Variants in RUNX1 observed in about 807,000 individuals in gnomAD.
RUNX1 encodes runt-related transcription factor 1.
RUNX1 carries 19 observed loss-of-function variants against 42.8 expected under a neutral mutation model. That is an observed-to-expected ratio of 0.44 (90% confidence interval 0.31 to 0.65). RUNX1 has a LOEUF of 0.65. Ranked by LOEUF, RUNX1 falls within the 30% of genes least tolerant of loss-of-function variation. RUNX1 has a pLI of 0.07. For synonymous variants in RUNX1, 271 were observed against 289.4 expected (o/e 0.94, Z 0.64); for missense variants, 528 against 672.0 (o/e 0.79, Z 2.37).
chr21:34,921,760 T>C (rs1377539785), intron 2 of RUNX1, among the ~76,000 whole-genome samples: 1 of 152,116 alleles, frequency 6.6e-6, no homozygotes, highest in Non-Finnish European at 1.5e-5. Flanking sequence ...GCCTCCCTAG[T>C]GGCTGGAATT....
chr21:34,967,234 C>T (rs961498341), intron 2 of RUNX1, among the ~76,000 whole-genome samples: 21 of 130,718 alleles, frequency 1.6e-4, no homozygotes, highest in Admixed American at 6.3e-4. Flanking sequence ...GGAGGAGAAT[C>T]GCTTGAAACT....
intron 2 of RUNX1, among the ~76,000 whole-genome samples, chr21:35,011,121 A>G (rs932427803): frequency 1.3e-5 from 2 of 152,200 alleles, no homozygotes; most frequent in Non-Finnish European, 2.9e-5. Flanking sequence ...TTTGCCATTA[A>G]AAGTGATGTG....
chr21:34,841,514 C>T (rs887042700), intron 6 of RUNX1, among the ~76,000 whole-genome samples: 3 of 152,240 alleles, frequency 2.0e-5, no homozygotes, highest in Non-Finnish European at 4.4e-5. Flanking sequence ...ACATGAAGTA[C>T]AGGTCATGTC....
chr21:34,841,682 A>T (rs1480337101), intron 6 of RUNX1, among the ~76,000 whole-genome samples: 6 of 152,012 alleles, frequency 3.9e-5, no homozygotes, highest in Non-Finnish European at 8.8e-5. Context: ...CTTTGCACTT[A>T]CTGTTTCCTC....
At chr21:34,828,468 CT>C (rs2146038789) in intron 7 of RUNX1, among the ~76,000 whole-genome samples, 1 of 152,288 alleles carries the variant, frequency 6.6e-6, no homozygotes, top group Non-Finnish European at 1.5e-5. Flanking sequence ...GGACTTTCGA[CT>C]TTTGAGTTAA....
chr21:34,977,621 G>C (rs1474629287), intron 2 of RUNX1, among the ~76,000 whole-genome samples: 1 of 152,208 alleles, frequency 6.6e-6, no homozygotes, highest in African/African-American at 2.4e-5. Context: ...ATATACACAT[G>C]GAAGTGGGGA....
At chr21:34,806,209 C>G (rs1433637668) in intron 7 of RUNX1, among the ~76,000 whole-genome samples, 1 of 152,086 alleles carries the variant, frequency 6.6e-6, no homozygotes, top group Non-Finnish European at 1.5e-5. Flanking sequence ...GGATTAAAGA[C>G]AAGACCCAAC....
intron 7 of RUNX1, among the ~76,000 whole-genome samples, chr21:34,819,884 C>G (rs1242970163): frequency 6.6e-6 from 1 of 152,244 alleles, no homozygotes; most frequent in Non-Finnish European, 1.5e-5. Flanking sequence ...CCAGCCCAAG[C>G]CACAGCCCCC....
intron 6 of RUNX1, among the ~76,000 whole-genome samples, chr21:34,845,343 C>G (rs2057300208): frequency 6.6e-6 from 1 of 152,160 alleles, no homozygotes; most frequent in Admixed American, 6.5e-5. Context: ...GGATGGAGGG[C>G]AAGGATGGAC....
intron 2 of RUNX1, among the ~76,000 whole-genome samples, chr21:34,930,175 AATAC>A (rs1275492851): frequency 3.7e-5 from 5 of 136,860 alleles, no homozygotes; most frequent in South Asian, 2.2e-4. Context: ...AATTTCAAAA[AATAC>A]ATACATATAC....
At chr21:34,958,583 C>A (rs1175407921) in intron 2 of RUNX1, among the ~76,000 whole-genome samples, 1 of 152,176 alleles carries the variant, frequency 6.6e-6, no homozygotes, top group Non-Finnish European at 1.5e-5. Context: ...GAAATAGGAA[C>A]ACTTTTACAC....
At chr21:35,032,616 C>T (rs2059280870) in intron 2 of RUNX1, among the ~76,000 whole-genome samples, 1 of 152,186 alleles carries the variant, frequency 6.6e-6, no homozygotes, top group South Asian at 2.1e-4. Context: ...AGTAAGATGT[C>T]CCTTGACTGT....
chr21:34,914,685 C>T (rs112780985), intron 2 of RUNX1, among the ~76,000 whole-genome samples: 2,186 of 152,302 alleles, frequency 0.014, 42 homozygotes, highest in African/African-American at 0.046. Flanking sequence ...TGGTCAGTGT[C>T]TTCATGTGGC....
At chr21:34,841,394 A>G (rs1308586583) in intron 6 of RUNX1, among the ~76,000 whole-genome samples, 1 of 151,974 alleles carries the variant, frequency 6.6e-6, no homozygotes, top group Admixed American at 6.5e-5. Context: ...GAGCTTTTGT[A>G]CTCTTGTGGG....
Position 34,788,750 on chromosome 21 carries a change from A to G in RUNX1, c.*3385T>C, listed in dbSNP as rs770125534. On this transcript the variant is annotated 3_prime_UTR_variant, in exon 9 of 9. Transcript: ENST00000675419. ...CAAACACACAAAAATCCCAAAACAAATGTATACGCTACGGTAAACAAAAAG... is the reference window on the plus strand; with the variant it reads ...CAAACACACAAAAATCCCAAAACAAGTGTATACGCTACGGTAAACAAAAAG... 1 of 233,574 alleles carries G rather than the reference A, an allele frequency of 4.3e-6. No homozygotes were observed. The highest frequency in any genetic ancestry group is 8.5e-6 in the Non-Finnish European group (1 of 117,990). 14.5% of individuals were successfully genotyped at this position (233,574 alleles called of 1,614,324 possible).
At chr21:34,878,358 A>ATAT (rs1313894804) in intron 5 of RUNX1, among the ~76,000 whole-genome samples, 127 of 145,736 alleles carry the variant, frequency 8.7e-4, no homozygotes, top group African/African-American at 3.1e-3. Flanking sequence ...AAAAAAAAAA[A>ATAT]AAATATATAT....
chr21:34,966,941 T>C (rs56662274), intron 2 of RUNX1, among the ~76,000 whole-genome samples: 10 of 151,644 alleles, frequency 6.6e-5, no homozygotes, highest in Middle Eastern at 3.2e-3. Context: ...GTCCTAAGAG[T>C]AAGGGCATAT....
At chr21:34,812,521 A>C (rs2056771171) in intron 7 of RUNX1, among the ~76,000 whole-genome samples, 1 of 152,184 alleles carries the variant, frequency 6.6e-6, no homozygotes, top group Admixed American at 6.6e-5. Flanking sequence ...CTCACCCCAA[A>C]CTCTGATTCA....
chr21:34,912,902 C>T (rs1035931536), intron 2 of RUNX1, among the ~76,000 whole-genome samples: 1 of 152,154 alleles, frequency 6.6e-6, no homozygotes, highest in African/African-American at 2.4e-5. Context: ...GGGGGGCCTT[C>T]ACCTGGTCTA....
Sources: gnomAD v4.1 joint callset for allele counts (sites outside exome capture counted in the v4.1 genomes callset) on GRCh38, gnomAD v4.1.1 for gene constraint, MANE v1.5 for transcripts, NCBI Gene and HGNC (gene_info 2026-07-23, HGNC 2026-07-21) for gene names.